Variants in FNIP2 observed in about 807,000 individuals in gnomAD.
FNIP2 encodes the protein folliculin-interacting protein 2.
FNIP2 carries 32 observed loss-of-function variants against 108.7 expected under a neutral mutation model. That is an observed-to-expected ratio of 0.29 (90% CI 0.22 to 0.40). The LOEUF is 0.40. Among genes scored for constraint, FNIP2 ranks in the 10% least tolerant of loss-of-function variants. The pLI is 1.00. For missense variants in FNIP2, 1,202 were observed against 1,381.6 expected (o/e 0.87, Z 2.06); for synonymous variants, 480 against 496.7 (o/e 0.97, Z 0.45).
intron 1 of FNIP2, among the ~76,000 whole-genome samples, chr4:158,825,569 A>G (rs1006481388): frequency 2.6e-5 from 4 of 152,236 alleles, no homozygotes; most frequent in African/African-American, 9.6e-5. Flanking sequence ...CCCAGAACCC[A>G]GGCATCCAAA....
intron 1 of FNIP2, among the ~76,000 whole-genome samples, chr4:158,806,598 G>C (rs1342113855): frequency 6.6e-6 from 1 of 152,222 alleles, no homozygotes; most frequent in Admixed American, 6.5e-5. Context: ...TTACAGAAGA[G>C]ATGTAAGCAT....
intron 1 of FNIP2, among the ~76,000 whole-genome samples, chr4:158,820,852 G>A (rs935010073): frequency 2.0e-5 from 3 of 152,124 alleles, no homozygotes; most frequent in Admixed American, 6.5e-5. Context: ...ATTCAGTATG[G>A]CCTCATCTTA....
intron 2 of FNIP2, among the ~76,000 whole-genome samples, chr4:158,828,659 A>T (rs1389489226): frequency 6.6e-6 from 1 of 152,168 alleles, no homozygotes; most frequent in Admixed American, 6.5e-5. Flanking sequence ...CAGTCTGCCC[A>T]AATTAATAGT....
At position 158,804,923 on chromosome 4, in the gene FNIP2, A is replaced by G. The variant is rs1776890198; in HGVS notation, c.108-20993A>G. 3.9e-5 allele frequency among the ~76,000 whole-genome samples: 6 copies of G among 152,286 alleles called. No homozygotes were observed. In the South Asian group the frequency reaches 1.2e-3, roughly 32 times the overall value. ...TGTGCCACAGAGAATTCAAGTTGTC[A>G]TATGTGTGTTGCAATTTTTATTTCT... On this transcript the variant is annotated intron_variant, in intron 1 of 16. Coordinates refer to ENST00000264433, the MANE Select transcript of FNIP2 (RefSeq NM_020840.3).
chr4:158,807,756 A>G (rs1046475685), intron 1 of FNIP2, among the ~76,000 whole-genome samples: 2 of 152,316 alleles, frequency 1.3e-5, no homozygotes, highest in South Asian at 4.1e-4. Context: ...GATGTAGTCC[A>G]TTACAGCGTA....
chr4:158,872,914 A>C (rs1287599419), intron 14 of FNIP2, among the ~76,000 whole-genome samples: 1 of 152,192 alleles, frequency 6.6e-6, no homozygotes, highest in East Asian at 1.9e-4. Context: ...TCCAAAAACA[A>C]GTATATGACC....
At chr4:158,806,376 A>G in intron 1 of FNIP2, 1 of 1,289,392 alleles carries the variant, frequency 7.8e-7, no homozygotes, top group Non-Finnish European at 1.0e-6. Flanking sequence ...AGATTAAAAA[A>G]CACACCGGAG....
intron 1 of FNIP2, among the ~76,000 whole-genome samples, chr4:158,810,586 G>A (rs1207568147): frequency 1.3e-5 from 2 of 152,172 alleles, no homozygotes; most frequent in South Asian, 2.1e-4. Flanking sequence ...AAGAACATTT[G>A]TCTTTTCCCT....
intron 1 of FNIP2, among the ~76,000 whole-genome samples, chr4:158,772,934 A>G (rs922517438): frequency 1.1e-4 from 17 of 152,138 alleles, no homozygotes; most frequent in African/African-American, 4.1e-4. Context: ...AGAATTAAGA[A>G]CTTACTTGCT....
intron 15 of FNIP2, 74 bp from the exon 16 acceptor site, chr4:158,895,673 TAAG>T (rs1376178850): frequency 1.1e-6 from 1 of 888,690 alleles, no homozygotes; most frequent in African/African-American, 1.7e-5. Context: ...AGAAATGAAT[TAAG>T]AAAATTCTGA....
chr4:158,844,269 T>C (rs1779280291), intron 7 of FNIP2, among the ~76,000 whole-genome samples: 2 of 152,158 alleles, frequency 1.3e-5, no homozygotes, highest in Admixed American at 1.3e-4. Flanking sequence ...TCAATGAATA[T>C]TTGAATGAGG....
chr4:158,883,424 G>C (rs1425054423), intron 14 of FNIP2, among the ~76,000 whole-genome samples: 1 of 152,054 alleles, frequency 6.6e-6, no homozygotes, highest in African/African-American at 2.4e-5. Context: ...TGTATTTTTA[G>C]TAGAGACGGG....
At chr4:158,860,094 C>G (rs1223748917) in intron 10 of FNIP2, among the ~76,000 whole-genome samples, 1 of 152,134 alleles carries the variant, frequency 6.6e-6, no homozygotes, top group Non-Finnish European at 1.5e-5. Context: ...CAGGACAGTC[C>G]TAGTTTACAC....
At chr4:158,796,863 C>T (rs533694390) in intron 1 of FNIP2, among the ~76,000 whole-genome samples, 42 of 152,230 alleles carry the variant, frequency 2.8e-4, no homozygotes, top group African/African-American at 7.5e-4. Context: ...CTTGCCTTGT[C>T]GTCCAAGGTT....
rs975818273 is a variant in FNIP2 at position 158,907,066 on chromosome 4, C to T, written c.*2522C>T. On this transcript the variant is annotated 3_prime_UTR_variant, in exon 17 of 17. Coordinates refer to ENST00000264433, the MANE Select transcript of FNIP2 (RefSeq NM_020840.3). ...TAACTTTTGTAGCATCTTGCTTTTC[C>T]AAGCAAGCTAGTGAGGCATGACAGA... 1 of 152,116 alleles carries T rather than the reference C, an allele frequency of 6.6e-6. No individual in the cohort carries two copies. Among genetic ancestry groups the T allele is most frequent in the African/African-American group, 2.4e-5 (1 of 41,422 alleles). 9.4% of individuals were successfully genotyped at this position (152,116 alleles called of 1,614,324 possible). A position where few individuals can be genotyped will look rare whatever the true frequency, so the allele number is the denominator to read the frequency against.
intron 7 of FNIP2, chr4:158,836,216 C>G (rs1560789353): frequency 6.6e-6 from 1 of 152,204 alleles, no homozygotes; most frequent in Non-Finnish European, 1.5e-5. Flanking sequence ...AGGCGTTGCT[C>G]AGACTGGATG....
At chr4:158,776,115 A>C (rs543938530) in intron 1 of FNIP2, among the ~76,000 whole-genome samples, 1 of 152,310 alleles carries the variant, frequency 6.6e-6, no homozygotes, top group East Asian at 1.9e-4. Context: ...TTATGTGCTG[A>C]TGTCTAATTG....
chr4:158,817,333 A>G (rs1326955662), intron 1 of FNIP2, among the ~76,000 whole-genome samples: 1 of 152,230 alleles, frequency 6.6e-6, no homozygotes, highest in Non-Finnish European at 1.5e-5. Flanking sequence ...TAAGATGCTT[A>G]TCAAAGACAG....
At chr4:158,858,786 G>T (rs962867671) in intron 8 of FNIP2, among the ~76,000 whole-genome samples, 1 of 152,064 alleles carries the variant, frequency 6.6e-6, no homozygotes, top group Non-Finnish European at 1.5e-5. Context: ...GACATAAAAC[G>T]ATTCAAAGGA....
Sources: gnomAD v4.1 joint callset for allele counts (sites outside exome capture counted in the v4.1 genomes callset) on GRCh38, gnomAD v4.1.1 for gene constraint, MANE v1.5 for transcripts, NCBI Gene and HGNC (gene_info 2026-07-23, HGNC 2026-07-21) for gene names.